Variants in HTR3D observed in about 807,000 individuals in gnomAD.
The protein encoded by HTR3D is 5-hydroxytryptamine receptor 3D, also known as 5-hydroxytryptamine (serotonin) receptor 3 family member D.
In HTR3D, 47 loss-of-function variants were observed where a neutral mutation model predicts 45.8. That is an observed-to-expected ratio of 1.03 (90% CI 0.81 to 1.31). The LOEUF is 1.31. HTR3D is among the 50% of genes most tolerant of loss of function. HTR3D has a pLI of 0.00. For missense variants in HTR3D, 448 were observed against 506.9 expected (o/e 0.88, Z 1.12); for synonymous variants, 203 against 199.8 (o/e 1.02, Z -0.13).
At chr3:184,031,656 CA>C, upstream of HTR3D, 1 of 899,760 alleles carries the variant, frequency 1.1e-6, no homozygotes, top group South Asian at 1.4e-5. Context: ...ATATATTATT[CA>C]AAGGTAGGGC....
At chr3:184,031,725 G>A (rs932095847), upstream of HTR3D, 5 of 1,545,476 alleles carry the variant, frequency 3.2e-6, no homozygotes, top group African/African-American at 6.9e-5. Context: ...ACCCAGAGAA[G>A]TGCCAAAGAG....
intron 1 of HTR3D, among the ~76,000 whole-genome samples, chr3:184,034,641 G>A (rs537198545): frequency 2.0e-5 from 2 of 97,950 alleles, no homozygotes; most frequent in Admixed American, 8.7e-5. Context: ...GCAACATGGC[G>A]AAACCCCATC....
At chr3:184,031,972 T>A (rs550464920) in intron 1 of HTR3D, among the ~76,000 whole-genome samples, 165 bp downstream of exon 1, 1 of 151,692 alleles carries the variant, frequency 6.6e-6, no homozygotes, top group South Asian at 2.1e-4. Context: ...AGGATCCTAA[T>A]ATTTAGTTAA....
At chr3:184,036,667 A>T (rs1333572752) in intron 4 of HTR3D, 81 bp from the exon 5 acceptor site, 1 of 1,567,602 alleles carries the variant, frequency 6.4e-7, no homozygotes, top group Non-Finnish European at 8.7e-7. Flanking sequence ...GCAGTGAGGG[A>T]TCCAACAGTC....
At position 184,036,312 on chromosome 3, in the gene HTR3D, G is replaced by A. The variant is rs558900184; in HGVS notation, c.198-63G>A. On this transcript the variant is annotated intron_variant, in intron 3 of 7. Coordinates refer to ENST00000428798, the MANE Select transcript of HTR3D (RefSeq NM_001145143.1). ...ATGGGATGACCTGACAGAGAAAGAAGGCCAAGTCTGATGGGGAAACCCACA... is the reference window on the plus strand; with the variant it reads ...ATGGGATGACCTGACAGAGAAAGAAAGCCAAGTCTGATGGGGAAACCCACA... The A allele has an allele frequency of 1.5e-5, 24 of 1,587,000 alleles. No homozygotes were observed. The South Asian group carries it at 2.4e-4, about 16-fold the overall frequency.
In HTR3D at chr3:184,037,017, G is replaced by A. The variant is rs909158498; in HGVS notation, c.516+121G>A. The A allele has an allele frequency of 2.7e-5, 23 of 866,874 alleles. No homozygotes were observed. In the Admixed American group the frequency reaches 4.7e-4, roughly 18 times the overall value. 53.7% of individuals were successfully genotyped at this position (866,874 alleles called of 1,614,324 possible). On this transcript the variant is annotated intron_variant, in intron 5 of 7. Coordinates refer to ENST00000428798, the MANE Select transcript of HTR3D (RefSeq NM_001145143.1). ...TGCTGGGATTACGGGCGTGAACCAC[G>A]AAGCCCGGCCTTTGTCACTCTTTTT...
In HTR3D at chr3:184,038,306, A is replaced by C; in HGVS notation, c.769+33A>C. 5.0e-6 allele frequency: 8 copies of C among 1,612,734 alleles called. No homozygotes were observed. Among genetic ancestry groups the C allele is most frequent in the Non-Finnish European group, 6.8e-6 (8 of 1,178,828 alleles). Reference sequence around the variant, plus strand: ...TTGGATGGGGAGAGGGATGGGCAGAACCAGGCGAAGTGAAAAGGGATCCTG... The same window carrying C: ...TTGGATGGGGAGAGGGATGGGCAGACCCAGGCGAAGTGAAAAGGGATCCTG... On this transcript the variant is annotated intron_variant, in intron 6 of 7. Transcript: ENST00000428798. This position sits in a 1 kb window ranked among gnomAD's most constrained non-coding sequence, Gnocchi z 4.5.
At position 184,036,537 on chromosome 3, in the gene HTR3D, A is replaced by C; in HGVS notation, c.360A>C (p.Thr120=). Reference sequence around the variant, plus strand: ...GCTCTCCTTCAGCCCTTTCACCTACACAGGTAAGTGGGGCTCACTAAAGTA... The same window carrying C: ...GCTCTCCTTCAGCCCTTTCACCTACCCAGGTAAGTGGGGCTCACTAAAGTA... The part of the protein sequence containing the change: ...GERSPSALSP[T]QVTRAWRRMS... Residue 120 remains threonine, a synonymous_variant, in exon 4 of 8, where the codon ACA becomes ACC. Coordinates refer to ENST00000428798, the MANE Select transcript of HTR3D (RefSeq NM_001145143.1). 1 of 1,614,204 alleles carries C rather than the reference A, an allele frequency of 6.2e-7. No individual in the cohort carries two copies. Among genetic ancestry groups the C allele is most frequent in the Non-Finnish European group, 8.5e-7 (1 of 1,180,048 alleles).
rs767685576 is a variant in HTR3D, at chr3:184,038,486, G to A, written c.847G>A (p.Val283Met). 28 of 1,613,778 alleles carry A rather than the reference G, an allele frequency of 1.7e-5. No individual in the cohort carries two copies. The highest frequency in any genetic ancestry group is 4.5e-5 in the East Asian group (2 of 44,868). ...ETIFITHLLH[V>M]ATTQPLPLPR... ...CATCTTCATCACCCACCTGCTGCAC[G>A]TGGCCACCACCCAGCCCCTACCTCT... Residue 283 changes from valine (V) to methionine (M), a missense_variant, in exon 7 of 8, where the codon GTG (valine) becomes ATG (methionine). Transcript: ENST00000428798. The surrounding 1 kb of genome is among the most constrained non-coding windows in gnomAD (Gnocchi z 4.5).
rs1276558033 is a variant in HTR3D, at chr3:184,038,618, C to A, written c.979C>A (p.Leu327Met). The A allele has an allele frequency of 1.9e-6, 3 of 1,612,796 alleles. No individual in the cohort carries two copies. The highest frequency in any genetic ancestry group is 2.5e-6 in the Non-Finnish European group (3 of 1,179,368). ...NKGPGLTPTH[L>M]PGVKEPEVSA... ...GGGCCCGGGTCTCACCCCCACCCAC[C>A]TGCCCGGTGAGGGAAGTCATACTTC... Residue 327 changes from leucine to methionine, a missense_variant, in exon 7 of 8, where the codon CTG becomes ATG. Coordinates refer to ENST00000428798, the MANE Select transcript of HTR3D (RefSeq NM_001145143.1). This position sits in a 1 kb window ranked among gnomAD's most constrained non-coding sequence, Gnocchi z 4.5.
intron 1 of HTR3D, among the ~76,000 whole-genome samples, chr3:184,033,513 C>T (rs1487269914): frequency 6.6e-6 from 1 of 152,194 alleles, no homozygotes; most frequent in Admixed American, 6.5e-5. Flanking sequence ...GAAATACAAA[C>T]AGCCAATAAG....
rs1191672976 is a variant in HTR3D, at chr3:184,035,045, A to G, written c.67-133A>G. The G allele has an allele frequency of 2.3e-5, 34 of 1,506,430 alleles. No homozygotes were observed. In the East Asian group the frequency reaches 8.4e-4, roughly 37 times the overall value. 93.3% of individuals were successfully genotyped at this position (1,506,430 alleles called of 1,614,324 possible). A position where few individuals can be genotyped will look rare whatever the true frequency, so the allele number is the denominator to read the frequency against. On this transcript the variant is annotated intron_variant, in intron 1 of 7. Transcript: ENST00000428798. ...TGTACCTTGAATTGTTTTGATCTACATCATTTTTCAGTGGCTTAGATCAAA... is the reference window on the plus strand; with the variant it reads ...TGTACCTTGAATTGTTTTGATCTACGTCATTTTTCAGTGGCTTAGATCAAA...
intron 1 of HTR3D, chr3:184,032,703 C>A: frequency 1.4e-6 from 1 of 704,832 alleles, no homozygotes; most frequent in Non-Finnish European, 2.4e-6. Context: ...AACAATGGCA[C>A]TGAGGATGGA....
intron 1 of HTR3D, among the ~76,000 whole-genome samples, chr3:184,032,082 C>T (rs868337525): frequency 8.7e-5 from 13 of 149,762 alleles, no homozygotes; most frequent in African/African-American, 3.3e-4. Flanking sequence ...GCAACCTTCA[C>T]CTCCCAGGTT....
At chr3:184,034,950 C>A in intron 1 of HTR3D, 2 of 1,002,670 alleles carry the variant, frequency 2.0e-6, no homozygotes, top group Non-Finnish European at 2.8e-6. Context: ...AAAATCTGTT[C>A]TTTTTGGAAT....
Position 184,035,231 on chromosome 3 carries a change from G to A in HTR3D, c.111+9G>A, listed in dbSNP as rs1249394247. ...TCCTGTGGCTAAATATGGTATGACA[G>A]ACTCAGTTTCCCCTTTCCTCTACTC... On this transcript the variant is annotated intron_variant, in intron 2 of 7. Coordinates refer to ENST00000428798, the MANE Select transcript of HTR3D (RefSeq NM_001145143.1). 1 of 1,551,970 alleles carries A rather than the reference G, an allele frequency of 6.4e-7. No homozygotes were observed. The highest frequency in any genetic ancestry group is 8.7e-7 in the Non-Finnish European group (1 of 1,146,846).
chr3:184,031,701 C>T, upstream of HTR3D: 1 of 1,424,514 alleles, frequency 7.0e-7, no homozygotes, highest in Non-Finnish European at 9.7e-7. Flanking sequence ...TAAAGGTTAA[C>T]ATCATCATCA....
Position 184,038,016 on chromosome 3 carries a change from A to G in HTR3D, c.517-5A>G, listed in dbSNP as rs754949420. On this transcript the variant is annotated splice_polypyrimidine_tract_variant and splice_region_variant and intron_variant, in intron 5 of 7. Transcript: ENST00000428798. The surrounding 1 kb of genome is among the most constrained non-coding windows in gnomAD (Gnocchi z 4.5). ...TCACTTGCCCCTCCTTCTCCTCCCCACCAGGTGGCCATCAGGCGCAGGTGC... is the reference window on the plus strand; with the variant it reads ...TCACTTGCCCCTCCTTCTCCTCCCCGCCAGGTGGCCATCAGGCGCAGGTGC... 2 of 1,612,806 alleles carry G rather than the reference A, an allele frequency of 1.2e-6. No homozygotes were observed. The highest frequency in any genetic ancestry group is 1.7e-6 in the Non-Finnish European group (2 of 1,179,150).
In HTR3D at chr3:184,031,775, C is replaced by T; in HGVS notation, c.34C>T (p.Leu12Phe). The T allele has an allele frequency of 6.4e-7, 1 of 1,551,446 alleles. No homozygotes were observed. The highest frequency in any genetic ancestry group is 8.7e-7 in the Non-Finnish European group (1 of 1,146,878). ...AGGCTGGTTCCATGGGAAAGGATTC[C>T]TCCTTGGCTTCATCCTCCACCTGCT... ...ERGWFHGKGF[L>F]LGFILHLLLQ... is the part of the protein sequence containing the mutation. Residue 12 changes from leucine to phenylalanine, a missense_variant, in exon 1 of 8, where the codon CTC becomes TTC. Coordinates refer to ENST00000428798, the MANE Select transcript of HTR3D (RefSeq NM_001145143.1).
Sources: allele counts gnomAD v4.1 joint callset (sites outside exome capture counted in the v4.1 genomes callset), GRCh38; gene constraint gnomAD v4.1.1; non-coding constraint Gnocchi (gnomAD v3.1); transcripts MANE v1.5; gene names NCBI Gene and HGNC (gene_info 2026-07-23, HGNC 2026-07-21).